PARD3: variants seen among roughly 807,000 people sequenced by gnomAD.
PARD3 encodes the protein par-3 family cell polarity regulator.
A neutral mutation model predicts 155.4 loss-of-function variants in PARD3; 75 were observed. The ratio of observed to expected loss-of-function variants is 0.48; its 90% CI spans 0.40 to 0.58. PARD3 has a LOEUF of 0.58. PARD3 is among the 20% of genes least tolerant of loss of function. The pLI, the probability that PARD3 is intolerant of heterozygous loss-of-function variation, is 0.00. For missense variants in PARD3, 1,642 were observed against 1,721.7 expected (o/e 0.95, Z 0.82); for synonymous variants, 576 against 610.5 (o/e 0.94, Z 0.83).
intron 2 of PARD3, among the ~76,000 whole-genome samples, chr10:34,539,467 G>A (rs1452018510): frequency 1.3e-5 from 2 of 152,144 alleles, no homozygotes; most frequent in East Asian, 3.9e-4. Context: ...TCAGGAGTTT[G>A]AGACCAACAT....
At chr10:34,713,791 A>G (rs1270498670) in intron 1 of PARD3, among the ~76,000 whole-genome samples, 2 of 151,858 alleles carry the variant, frequency 1.3e-5, no homozygotes, top group Non-Finnish European at 1.5e-5. Context: ...AAAGGAAACA[A>G]AAACAACCCA....
intron 22 of PARD3, among the ~76,000 whole-genome samples, chr10:34,230,063 G>A (rs1417070883): frequency 1.3e-5 from 2 of 152,140 alleles, no homozygotes; most frequent in African/African-American, 2.4e-5. Context: ...AAATACATTA[G>A]TGTCAAATAT....
chr10:34,660,754 T>C (rs2093303685), intron 2 of PARD3, among the ~76,000 whole-genome samples: 1 of 152,048 alleles, frequency 6.6e-6, no homozygotes, highest in Non-Finnish European at 1.5e-5. Context: ...CCAGATTCCA[T>C]CAGTACCAAA....
chr10:34,343,427 C>A, intron 15 of PARD3: 1 of 980,298 alleles, frequency 1.0e-6, no homozygotes, highest in Non-Finnish European at 1.2e-6. Flanking sequence ...AAATATTATA[C>A]CTTAACTGTT....
chr10:34,711,680 T>C (rs548539957), intron 1 of PARD3, among the ~76,000 whole-genome samples: 1 of 152,210 alleles, frequency 6.6e-6, no homozygotes, highest in Admixed American at 6.5e-5. Context: ...GCATAACTAG[T>C]GTGTCCCAGA....
chr10:34,616,737 T>C (rs2091280996), intron 2 of PARD3, among the ~76,000 whole-genome samples: 1 of 151,906 alleles, frequency 6.6e-6, no homozygotes, highest in Non-Finnish European at 1.5e-5. Context: ...CCCAGGAGTT[T>C]GGGACCAACC....
At chr10:34,359,745 C>A (rs1196269821) in intron 13 of PARD3, among the ~76,000 whole-genome samples, 1 of 152,092 alleles carries the variant, frequency 6.6e-6, no homozygotes, top group Admixed American at 6.6e-5. Context: ...AAGTGACCCA[C>A]AAACAGGGGA....
At chr10:34,414,485 C>A (rs1245081707) in intron 5 of PARD3, among the ~76,000 whole-genome samples, 1 of 151,724 alleles carries the variant, frequency 6.6e-6, no homozygotes, top group African/African-American at 2.4e-5. Flanking sequence ...GGGTCAAAAC[C>A]CTAAGGTTTC....
chr10:34,498,165 A>G (rs1448337563), intron 3 of PARD3, among the ~76,000 whole-genome samples: 1 of 152,204 alleles, frequency 6.6e-6, no homozygotes, highest in African/African-American at 2.4e-5. Flanking sequence ...CATAGAATTA[A>G]GCTTGAAACC....
intron 2 of PARD3, among the ~76,000 whole-genome samples, chr10:34,569,745 T>C (rs1345400779): frequency 1.3e-5 from 2 of 152,090 alleles, no homozygotes; most frequent in African/African-American, 4.8e-5. Flanking sequence ...TATTAAAAAG[T>C]GGACATAAGT....
intron 22 of PARD3, among the ~76,000 whole-genome samples, chr10:34,212,664 G>T (rs1170457790): frequency 1.3e-5 from 2 of 152,002 alleles, no homozygotes; most frequent in Non-Finnish European, 2.9e-5. Flanking sequence ...GTTGGGGCAG[G>T]GGGGGTTCTG....
intron 3 of PARD3, among the ~76,000 whole-genome samples, chr10:34,495,182 A>C (rs764877831): frequency 4.0e-5 from 6 of 151,584 alleles, no homozygotes; most frequent in African/African-American, 7.3e-5. Context: ...CAAAAAAAAA[A>C]CAAACAAAAA....
At chr10:34,357,853 G>A (rs953338956) in intron 14 of PARD3, among the ~76,000 whole-genome samples, 21 of 152,188 alleles carry the variant, frequency 1.4e-4, no homozygotes, top group African/African-American at 5.1e-4. Flanking sequence ...TTCAGAATAC[G>A]TCACCTCTAT....
At chr10:34,309,896 CAAA>C (rs552115285) in intron 20 of PARD3, among the ~76,000 whole-genome samples, 1 of 95,578 alleles carries the variant, frequency 1.0e-5, no homozygotes, top group Non-Finnish European at 1.9e-5. Context: ...ATCAACCATC[CAAA>C]AAAAAAAAAA....
intron 22 of PARD3, among the ~76,000 whole-genome samples, chr10:34,195,625 G>A (rs577935535): frequency 4.6e-5 from 7 of 152,328 alleles, no homozygotes; most frequent in African/African-American, 1.4e-4. Context: ...GAGACAAGAT[G>A]TTTACATAAC....
chr10:34,225,227 G>C (rs1456719137), intron 22 of PARD3, among the ~76,000 whole-genome samples: 1 of 152,154 alleles, frequency 6.6e-6, no homozygotes, highest in East Asian at 1.9e-4. Flanking sequence ...ATAAGTAGGA[G>C]GAAGCTGTAT....
intron 2 of PARD3, among the ~76,000 whole-genome samples, chr10:34,584,763 C>T (rs563454136): frequency 6.6e-6 from 1 of 152,044 alleles, no homozygotes; most frequent in Non-Finnish European, 1.5e-5. Context: ...GTCAATTAAG[C>T]TAACTGGGCA....
intron 2 of PARD3, among the ~76,000 whole-genome samples, chr10:34,649,186 T>G (rs2092933149): frequency 6.6e-6 from 1 of 152,174 alleles, no homozygotes; most frequent in Non-Finnish European, 1.5e-5. Context: ...GACTCACACC[T>G]GTAATCTCAG....
In PARD3 at chr10:34,341,624, T is replaced by C; in HGVS notation, c.2408+3A>G. 2 of 1,610,004 alleles carry C rather than the reference T, an allele frequency of 1.2e-6. No individual in the cohort carries two copies. Among genetic ancestry groups the C allele is most frequent in the East Asian group, 2.2e-5 (1 of 44,762 alleles). ...GTTTTCCAACCCTGGACGATGAGCTTACCAGTCGGCTGAATCACTGATTGC... is the reference window on the plus strand; with the variant it reads ...GTTTTCCAACCCTGGACGATGAGCTCACCAGTCGGCTGAATCACTGATTGC... On this transcript the variant is annotated splice_donor_region_variant and intron_variant, in intron 16 of 24. Coordinates refer to ENST00000374788, the MANE Select transcript of PARD3 (RefSeq NM_001184785.2).
Sources: gnomAD v4.1 joint callset for allele counts (sites outside exome capture counted in the v4.1 genomes callset) on GRCh38, gnomAD v4.1.1 for gene constraint, MANE v1.5 for transcripts, NCBI Gene and HGNC (gene_info 2026-07-23, HGNC 2026-07-21) for gene names.